SAE1: variants seen among roughly 807,000 people sequenced by gnomAD.
SAE1 encodes SUMO-activating enzyme subunit 1.
Under a neutral mutation model 40.6 loss-of-function variants are expected in SAE1, and 11 were observed. The ratio of observed to expected loss-of-function variants is 0.27; its 90% CI spans 0.17 to 0.45. SAE1 has a LOEUF of 0.45. SAE1 is among the 20% of genes least tolerant of loss of function. The pLI, the probability that SAE1 is intolerant of heterozygous loss-of-function variation, is 1.00. For missense variants in SAE1, 373 were observed against 427.3 expected (o/e 0.87, Z 1.12); for synonymous variants, 155 against 154.3 (o/e 1.00, Z -0.03).
chr19:47,139,880 C>G (rs895757737), intron 1 of SAE1, among the ~76,000 whole-genome samples: 3 of 148,434 alleles, frequency 2.0e-5, no homozygotes, highest in Admixed American at 6.8e-5. Context: ...GGATTATAGG[C>G]GTGAGGCACC....
chr19:47,175,139 G>A (rs569487073), intron 6 of SAE1, among the ~76,000 whole-genome samples: 1 of 91,348 alleles, frequency 1.1e-5, no homozygotes, highest in Admixed American at 1.7e-4. Context: ...TTTGCCTACT[G>A]TAAAGTCAAG....
At chr19:47,196,680 G>A (rs903372612) in intron 6 of SAE1, among the ~76,000 whole-genome samples, 1 of 151,674 alleles carries the variant, frequency 6.6e-6, no homozygotes, top group African/African-American at 2.4e-5. Context: ...TCTTAATAGA[G>A]CCTTTTTCCT....
intron 5 of SAE1, among the ~76,000 whole-genome samples, chr19:47,163,936 A>AT (rs2123237708): frequency 6.6e-6 from 1 of 150,766 alleles, no homozygotes; most frequent in South Asian, 2.1e-4. Context: ...CACCCGGCTA[A>AT]GTTTTGTATT....
At chr19:47,198,705 G>A (rs897978788) in intron 7 of SAE1, among the ~76,000 whole-genome samples, 1 of 152,126 alleles carries the variant, frequency 6.6e-6, no homozygotes, top group Admixed American at 6.6e-5. Context: ...TTGACTTCCT[G>A]CTGGGAACTT....
At chr19:47,131,151 G>C (rs2123165581) in intron 1 of SAE1, 123 bp downstream of exon 1, 1 of 1,430,422 alleles carries the variant, frequency 7.0e-7, no homozygotes, top group South Asian at 1.5e-5. Flanking sequence ...TCTGTGCTCT[G>C]GGATCGTCTC....
intron 5 of SAE1, among the ~76,000 whole-genome samples, chr19:47,164,475 G>A (rs1164958088): frequency 6.6e-6 from 1 of 151,396 alleles, no homozygotes; most frequent in African/African-American, 2.4e-5. Context: ...CCTGGAGCGC[G>A]TGATTTTAAA....
rs772632494 is a variant in SAE1, at chr19:47,155,122, C to G, written c.536C>G (p.Thr179Ser). ...CCCTTGTCACCCTCTAGGGAGAAAA[C>G]TAAAGTTGCCAAAGTTAGCCAAGGA... ...LGEHEFVEEKTKVAKVSQGVE... is the reference protein window; with the variant it reads ...LGEHEFVEEKSKVAKVSQGVE... Residue 179 changes from threonine to serine, a missense_variant, in exon 5 of 9, where the codon ACT becomes AGT. Thr to Ser is a moderately conservative substitution (Grantham distance 58, BLOSUM62 1). This residue lies in a region of SAE1 where 351 missense variants were observed against 390.6 expected (regional missense o/e 0.90). Coordinates refer to ENST00000270225, the MANE Select transcript of SAE1 (RefSeq NM_005500.3). 3 of 1,609,998 alleles carry G rather than the reference C, an allele frequency of 1.9e-6. No individual in the cohort carries two copies. The highest frequency in any genetic ancestry group is 2.5e-6 in the Non-Finnish European group (3 of 1,176,500).
In SAE1 at chr19:47,130,879, G is replaced by A; in HGVS notation, c.-52G>A. 6.5e-7 allele frequency: 1 copy of A among 1,545,760 alleles called. No individual in the cohort carries two copies. The highest frequency in any genetic ancestry group is 8.7e-7 in the Non-Finnish European group (1 of 1,145,220). On this transcript the variant is annotated 5_prime_UTR_variant, in exon 1 of 9. Coordinates refer to ENST00000270225, the MANE Select transcript of SAE1 (RefSeq NM_005500.3). ...CGGCGGTAGGTGGCGCGCGGGTCCGGCGGGCGGTTGGCTTGAGCGGGACCG... is the reference window on the plus strand; with the variant it reads ...CGGCGGTAGGTGGCGCGCGGGTCCGACGGGCGGTTGGCTTGAGCGGGACCG...
At chr19:47,132,496 G>A (rs535451037) in intron 1 of SAE1, among the ~76,000 whole-genome samples, 3 of 149,912 alleles carry the variant, frequency 2.0e-5, no homozygotes, top group Admixed American at 6.7e-5. Context: ...AAGCTCAAGC[G>A]ATCCTCGGCC....
chr19:47,176,136 T>G (rs2058467275), intron 6 of SAE1, among the ~76,000 whole-genome samples: 1 of 152,214 alleles, frequency 6.6e-6, no homozygotes, highest in Non-Finnish European at 1.5e-5. Flanking sequence ...GGTTGGGAAC[T>G]TGCTTGTGTA....
At chr19:47,164,612 G>GGTT (rs963572875) in intron 5 of SAE1, among the ~76,000 whole-genome samples, 3 of 147,324 alleles carry the variant, frequency 2.0e-5, no homozygotes, top group Non-Finnish European at 4.5e-5. Context: ...CAAATTTGAT[G>GGTT]GTTGATGGGC....
In SAE1 at chr19:47,159,367, C is replaced by T. The variant is rs78078676; in HGVS notation, c.627+4154C>T. Among the ~76,000 whole-genome samples the T allele has an allele frequency of 3.7e-3, 563 of 152,048 alleles. 5 individuals carry two copies. The highest frequency in any genetic ancestry group is 0.013 in the African/African-American group (536 of 41,496). ...TACCTTGGTTTCCACTGCTGGTGGC[C>T]CTTAGGTTGCTTGTCTCTGTCTCCC... On this transcript the variant is annotated intron_variant, in intron 5 of 8. Transcript: ENST00000270225.
chr19:47,142,331 C>T (rs1413283631), intron 1 of SAE1, among the ~76,000 whole-genome samples: 2 of 150,820 alleles, frequency 1.3e-5, no homozygotes, highest in African/African-American at 2.4e-5. Flanking sequence ...TTGTAGTGAG[C>T]TGAGATCACG....
intron 5 of SAE1, among the ~76,000 whole-genome samples, chr19:47,155,749 CT>C (rs1425906351): frequency 2.4e-3 from 287 of 119,762 alleles, no homozygotes; most frequent in South Asian, 7.7e-3. Flanking sequence ...GCCCCATACC[CT>C]TTTTTTTTTT....
intron 7 of SAE1, among the ~76,000 whole-genome samples, chr19:47,199,810 A>G (rs2058641056): frequency 6.6e-6 from 1 of 152,118 alleles, no homozygotes; most frequent in South Asian, 2.1e-4. Flanking sequence ...TTCCTCCACC[A>G]AGAGATGAGT....
chr19:47,145,136 G>A (rs1206426949), intron 2 of SAE1, among the ~76,000 whole-genome samples: 1 of 152,036 alleles, frequency 6.6e-6, no homozygotes, highest in African/African-American at 2.4e-5. Context: ...CCGAGTAGCT[G>A]GGATTACAGG....
At chr19:47,204,681 AT>A (rs988406639) in intron 8 of SAE1, among the ~76,000 whole-genome samples, 5 of 151,030 alleles carry the variant, frequency 3.3e-5, no homozygotes, top group African/African-American at 1.2e-4. Context: ...TAATTTTTGT[AT>A]TTTTAGTAGT....
At chr19:47,192,654 T>C (rs1249282996) in intron 6 of SAE1, among the ~76,000 whole-genome samples, 1 of 152,084 alleles carries the variant, frequency 6.6e-6, no homozygotes, top group Non-Finnish European at 1.5e-5. Flanking sequence ...GCAATTCTAC[T>C]GCCTCAGCCT....
rs80310462 is a variant in SAE1 at position 47,206,526 on chromosome 19, T to C, written c.949-2633T>C. ...ACGTCCTTCTAGATACCCTATTTTA[T>C]ATCCATGTCTACTTCCTTGGGTTTA... On this transcript the variant is annotated intron_variant, in intron 8 of 8. Transcript: ENST00000270225. 4.4e-3 allele frequency among the ~76,000 whole-genome samples: 676 copies of C among 152,334 alleles called. 5 individuals carry two copies. The highest frequency in any genetic ancestry group is 0.015 in the African/African-American group (635 of 41,592).
Sources: allele counts gnomAD v4.1 joint callset (sites outside exome capture counted in the v4.1 genomes callset), GRCh38; gene constraint gnomAD v4.1.1; regional missense constraint gnomAD v4.1.1; transcripts MANE v1.5; gene names NCBI Gene and HGNC (gene_info 2026-07-23, HGNC 2026-07-21).